The following CTNNA3 variants were observed in gnomAD, a reference collection of about 807,000 sequenced individuals.
The protein encoded by CTNNA3 is catenin alpha 3.
A neutral mutation model predicts 95.7 loss-of-function variants in CTNNA3; 76 were observed. That is an observed-to-expected ratio of 0.79 (90% CI 0.66 to 0.96). CTNNA3 has a LOEUF of 0.96. Ranked by LOEUF, CTNNA3 falls within the 40% of genes least tolerant of loss-of-function variation. CTNNA3 has a pLI of 0.00. For missense variants in CTNNA3, 1,191 were observed against 1,089.8 expected (o/e 1.09, Z -1.31); for synonymous variants, 431 against 374.4 (o/e 1.15, Z -1.74).
intron 13 of CTNNA3, among the ~76,000 whole-genome samples, chr10:66,127,847 C>T (rs531263931): frequency 3.9e-5 from 6 of 152,126 alleles, no homozygotes; most frequent in African/African-American, 1.4e-4. Flanking sequence ...GAGGCCGAGG[C>T]GGGCGAATCA....
At chr10:65,959,824 C>G (rs1434792152) in intron 17 of CTNNA3, among the ~76,000 whole-genome samples, 1 of 152,130 alleles carries the variant, frequency 6.6e-6, no homozygotes, top group Non-Finnish European at 1.5e-5. Flanking sequence ...CAACTCCCCT[C>G]TTTATTTGAT....
chr10:67,687,403 T>A (rs991785308), intron 1 of CTNNA3, among the ~76,000 whole-genome samples: 3 of 152,166 alleles, frequency 2.0e-5, no homozygotes, highest in Admixed American at 2.0e-4. Context: ...CAATCTTTTT[T>A]AAAGTGTCCT....
At chr10:66,296,231 G>A (rs967611284) in intron 12 of CTNNA3, among the ~76,000 whole-genome samples, 1 of 152,122 alleles carries the variant, frequency 6.6e-6, no homozygotes, top group African/African-American at 2.4e-5. Flanking sequence ...GAAGAGGCAA[G>A]TAGATGAAAT....
rs112100293 is a variant in CTNNA3, at chr10:67,229,128, G to A, written c.580-9258C>T. Among the ~76,000 whole-genome samples, 939 of 152,268 alleles carry A rather than the reference G, an allele frequency of 6.2e-3. 10 individuals are homozygous for A. Among genetic ancestry groups the A allele is most frequent in the African/African-American group, 0.022 (897 of 41,550 alleles). On this transcript the variant is annotated intron_variant, in intron 5 of 17. Transcript: ENST00000433211. ...CAAAAAGATAATCCACCATGCTCAA[G>A]TGGGTTTCATACCAGGGATGCAGGG...
chr10:67,373,034 A>G (rs1373328032), intron 5 of CTNNA3, among the ~76,000 whole-genome samples: 1 of 152,238 alleles, frequency 6.6e-6, no homozygotes, highest in Non-Finnish European at 1.5e-5. Context: ...GCCAAATTGT[A>G]AAGACCATCG....
At chr10:67,147,794 A>G (rs1836522287) in intron 7 of CTNNA3, among the ~76,000 whole-genome samples, 1 of 152,158 alleles carries the variant, frequency 6.6e-6, no homozygotes. Flanking sequence ...CAAAAATGTG[A>G]AAAAAATGTG....
At chr10:66,314,944 G>A (rs377498696) in intron 12 of CTNNA3, among the ~76,000 whole-genome samples, 5 of 152,164 alleles carry the variant, frequency 3.3e-5, no homozygotes, top group African/African-American at 1.2e-4. Flanking sequence ...TAGAAGGAAA[G>A]TGACAGTTCT....
intron 7 of CTNNA3, among the ~76,000 whole-genome samples, chr10:67,132,199 G>A (rs903390134): frequency 1.2e-4 from 19 of 152,076 alleles, no homozygotes; most frequent in Admixed American, 5.9e-4. Context: ...TCTAGCTTGG[G>A]TGCTAAATAC....
chr10:65,992,937 T>C (rs1449343836), intron 15 of CTNNA3, among the ~76,000 whole-genome samples: 1 of 152,148 alleles, frequency 6.6e-6, no homozygotes. Flanking sequence ...GTATATTGTG[T>C]TTTTATTTTC....
chr10:66,668,696 C>A (rs1168267562), intron 9 of CTNNA3, among the ~76,000 whole-genome samples: 2 of 151,962 alleles, frequency 1.3e-5, no homozygotes, highest in Non-Finnish European at 1.5e-5. Flanking sequence ...TCTGTAATCC[C>A]AGCTATTTGG....
At chr10:66,380,857 C>A (rs115412770) in intron 11 of CTNNA3, among the ~76,000 whole-genome samples, 10,144 of 151,624 alleles carry the variant, frequency 0.067, 548 homozygotes, top group East Asian at 0.23. Context: ...CTAAATATAT[C>A]CTAAATATAT....
chr10:67,040,863 CA>C (rs1365479521), intron 7 of CTNNA3, among the ~76,000 whole-genome samples: 4 of 152,078 alleles, frequency 2.6e-5, no homozygotes, highest in Admixed American at 2.6e-4. Context: ...TTTCATTGAA[CA>C]ACTATGACAT....
chr10:65,926,044 AAT>A (rs1456866962), intron 17 of CTNNA3, among the ~76,000 whole-genome samples: 4 of 149,734 alleles, frequency 2.7e-5, no homozygotes, highest in Non-Finnish European at 5.9e-5. Flanking sequence ...TGTATTATAT[AAT>A]ATATAATAGA....
At chr10:66,278,347 T>G (rs540302408) in intron 13 of CTNNA3, among the ~76,000 whole-genome samples, 22 of 151,838 alleles carry the variant, frequency 1.4e-4, no homozygotes, top group African/African-American at 4.8e-4. Flanking sequence ...TTGAATGTAT[T>G]CTTGATAGTC....
At chr10:67,003,920 C>T (rs1851822061) in intron 7 of CTNNA3, among the ~76,000 whole-genome samples, 1 of 152,108 alleles carries the variant, frequency 6.6e-6, no homozygotes, top group South Asian at 2.1e-4. Flanking sequence ...ATACCTTGCA[C>T]ATGTTTTTTA....
At chr10:67,538,360 G>A (rs1160280854) in intron 4 of CTNNA3, among the ~76,000 whole-genome samples, 1 of 151,920 alleles carries the variant, frequency 6.6e-6, no homozygotes, top group Non-Finnish European at 1.5e-5. Flanking sequence ...AGGATCACGA[G>A]GTCAGGAGTT....
chr10:66,931,137 T>A (rs1391721355), intron 7 of CTNNA3, among the ~76,000 whole-genome samples: 2 of 151,656 alleles, frequency 1.3e-5, no homozygotes, highest in African/African-American at 4.9e-5. Flanking sequence ...TGATATTTAT[T>A]TTTCTAGTAC....
chr10:66,531,307 T>C (rs1194509518), intron 10 of CTNNA3, among the ~76,000 whole-genome samples: 1 of 152,188 alleles, frequency 6.6e-6, no homozygotes, highest in Non-Finnish European at 1.5e-5. Flanking sequence ...TCTCTGAGCC[T>C]CAATTTCCTA....
chr10:66,775,774 T>C (rs750912453), intron 7 of CTNNA3, among the ~76,000 whole-genome samples: 17 of 152,208 alleles, frequency 1.1e-4, no homozygotes, highest in African/African-American at 1.9e-4. Flanking sequence ...AGTGTGACAA[T>C]AGGCAGAGCA....
Sources: gnomAD v4.1 joint callset for allele counts (sites outside exome capture counted in the v4.1 genomes callset) on GRCh38, gnomAD v4.1.1 for gene constraint, MANE v1.5 for transcripts, NCBI Gene and HGNC (gene_info 2026-07-23, HGNC 2026-07-21) for gene names.